The following POR variants were observed in gnomAD, a reference collection of about 807,000 sequenced individuals.
POR encodes cytochrome p450 oxidoreductase, also known as NADPH--cytochrome P450 reductase.
POR carries 56 observed loss-of-function variants against 84.0 expected under a neutral mutation model. The observed-to-expected ratio is 0.67, with a 90% CI of 0.54 to 0.83. The LOEUF is 0.83. Ranked by LOEUF, POR falls within the 40% of genes least tolerant of loss-of-function variation. The pLI, the probability that POR is intolerant of heterozygous loss-of-function variation, is 0.00. For missense variants in POR, 938 were observed against 944.3 expected (o/e 0.99, Z 0.09); for synonymous variants, 414 against 400.5 (o/e 1.03, Z -0.40).
intron 8 of POR, among the ~76,000 whole-genome samples, chr7:75,982,785 G>A (rs1051259840): frequency 1.3e-5 from 2 of 152,212 alleles, no homozygotes; most frequent in African/African-American, 4.8e-5. Flanking sequence ...CCTGCTTTCT[G>A]TAGGCCTGCC....
rs1554558205 is a variant in POR at position 75,982,336 on chromosome 7, G to T, written c.830+14G>T. On this transcript the variant is annotated intron_variant, in intron 8 of 15. Transcript: ENST00000461988. ...GAACCAGAAGCCGTGAGTGGAGGGA[G>T]CGTGGCTTGGGGCAGACGGCTCTAT... is the stretch of plus-strand genomic sequence containing the variant. 6.2e-7 allele frequency: 1 copy of T among 1,602,304 alleles called. No homozygotes were observed. The highest frequency in any genetic ancestry group is 8.5e-7 in the Non-Finnish European group (1 of 1,174,022).
chr7:75,927,670 AT>A (rs36041813), intron 1 of POR, among the ~76,000 whole-genome samples: 9,358 of 135,068 alleles, frequency 0.069, 769 homozygotes, highest in African/African-American at 0.23. Flanking sequence ...TTCTGTCTCA[AT>A]TTTTTTTTTT....
intron 2 of POR, chr7:75,968,403 G>T (rs980479149): frequency 5.0e-6 from 2 of 396,662 alleles, no homozygotes; most frequent in Admixed American, 5.6e-5. Context: ...AAGGAATTTG[G>T]ACTGGAGACC....
At chr7:75,944,109 G>A (rs1342607694) in intron 1 of POR, among the ~76,000 whole-genome samples, 1 of 152,150 alleles carries the variant, frequency 6.6e-6, no homozygotes, top group Non-Finnish European at 1.5e-5. Context: ...TGGAGATCAT[G>A]TGCTGTCTTC....
chr7:75,923,290 G>A, intron 1 of POR: 2 of 1,227,610 alleles, frequency 1.6e-6, no homozygotes, highest in Non-Finnish European at 2.4e-6. Context: ...GCCTTCCCAA[G>A]GAAGCATTTC....
At chr7:75,915,848 C>T (rs543845649) in intron 1 of POR, 3 of 152,276 alleles carry the variant, frequency 2.0e-5, no homozygotes, top group African/African-American at 7.2e-5. Context: ...TCTTGGGCGC[C>T]AGGGGGAGGA....
chr7:75,977,164 AT>A (rs1212164098), intron 3 of POR, among the ~76,000 whole-genome samples: 1 of 152,010 alleles, frequency 6.6e-6, no homozygotes, highest in Non-Finnish European at 1.5e-5. Flanking sequence ...CGTAAGTTTT[AT>A]TTTGTATGAG....
chr7:75,920,281 G>A (rs1003555376), intron 1 of POR, among the ~76,000 whole-genome samples: 1 of 151,778 alleles, frequency 6.6e-6, no homozygotes, highest in Non-Finnish European at 1.5e-5. Flanking sequence ...TGTTGGCCAG[G>A]CTGGTTTCAA....
In POR at chr7:75,982,502, C is replaced by T. The variant is rs546816549; in HGVS notation, c.830+180C>T. On this transcript the variant is annotated intron_variant, in intron 8 of 15. Transcript: ENST00000461988. ...CGGCCCCAGGAGACTGGCACTCGCCCAGTTTGTACTGAGCTCACTTAGCCA... is the reference window on the plus strand; with the variant it reads ...CGGCCCCAGGAGACTGGCACTCGCCTAGTTTGTACTGAGCTCACTTAGCCA... Among the ~76,000 whole-genome samples the T allele has an allele frequency of 2.6e-5, 4 of 152,284 alleles. No homozygotes were observed. The East Asian group carries it at 7.7e-4, about 29-fold the overall frequency.
intron 2 of POR, chr7:75,968,336 G>A: frequency 2.2e-6 from 1 of 461,872 alleles, no homozygotes. Context: ...CCAGGCCTAG[G>A]CACTGGTGGC....
chr7:75,937,185 G>C (rs1283959714), intron 1 of POR, among the ~76,000 whole-genome samples: 1 of 151,220 alleles, frequency 6.6e-6, no homozygotes, highest in Non-Finnish European at 1.5e-5. Context: ...GCTAGGCTTG[G>C]TGGCTCATGC....
intron 8 of POR, 28 bp from the exon 9 acceptor site, chr7:75,983,492 T>C (rs1554558441): frequency 1.2e-5 from 19 of 1,540,840 alleles, no homozygotes; most frequent in Non-Finnish European, 1.7e-5. Flanking sequence ...CCCCGGCCGC[T>C]CACTGTGCTT....
At chr7:75,974,614 C>T (rs1209775070) in intron 3 of POR, among the ~76,000 whole-genome samples, 23 of 149,872 alleles carry the variant, frequency 1.5e-4, no homozygotes, top group African/African-American at 5.4e-4. Context: ...GCAATCTCCA[C>T]CTCCCGGGTT....
intron 1 of POR, among the ~76,000 whole-genome samples, chr7:75,952,597 T>A (rs1277694500): frequency 2.7e-5 from 4 of 148,308 alleles, no homozygotes. Flanking sequence ...GTCTCCTCAC[T>A]TCTCAGACGG....
intron 3 of POR, among the ~76,000 whole-genome samples, chr7:75,976,379 G>T (rs2116560778): frequency 6.6e-6 from 1 of 151,884 alleles, no homozygotes; most frequent in South Asian, 2.1e-4. Flanking sequence ...GGAGGCGGAG[G>T]TTGCATTGAG....
intron 1 of POR, among the ~76,000 whole-genome samples, chr7:75,933,406 T>TG (rs1807520312): frequency 7.6e-6 from 1 of 130,890 alleles, no homozygotes; most frequent in Non-Finnish European, 1.6e-5. Flanking sequence ...TTTTTTTTTT[T>TG]GAGCGGAGTT....
At chr7:75,916,012 A>AGCCTT (rs1237007770) in intron 1 of POR, among the ~76,000 whole-genome samples, 5 of 152,276 alleles carry the variant, frequency 3.3e-5, no homozygotes, top group South Asian at 2.1e-4. Context: ...TTAAAGCTGC[A>AGCCTT]GCCTTGCCTT....
At chr7:75,924,871 C>T (rs751286607) in intron 1 of POR, among the ~76,000 whole-genome samples, 9 of 152,162 alleles carry the variant, frequency 5.9e-5, no homozygotes, top group Non-Finnish European at 8.8e-5. Flanking sequence ...ATCCCGGAGA[C>T]GGACTGTGAT....
chr7:75,932,182 CTT>C (rs67962805), intron 1 of POR, among the ~76,000 whole-genome samples: 35 of 143,004 alleles, frequency 2.4e-4, no homozygotes, highest in Admixed American at 7.0e-4. Context: ...TTCAGAAATT[CTT>C]TTTTTTTTTT....
Sources: gnomAD v4.1 joint callset for allele counts (sites outside exome capture counted in the v4.1 genomes callset) on GRCh38, gnomAD v4.1.1 for gene constraint, MANE v1.5 for transcripts, NCBI Gene and HGNC (gene_info 2026-07-23, HGNC 2026-07-21) for gene names.